ESRRB: variants seen among roughly 807,000 people sequenced by gnomAD.
ESRRB encodes the protein estrogen related receptor beta.
Under a neutral mutation model 46.0 loss-of-function variants are expected in ESRRB, and 16 were observed. The ratio of observed to expected loss-of-function variants is 0.35; its 90% CI spans 0.24 to 0.53. ESRRB has a LOEUF of 0.53. Among genes scored for constraint, ESRRB ranks in the 20% least tolerant of loss-of-function variants. The pLI, the probability that ESRRB is intolerant of heterozygous loss-of-function variation, is 0.93. For missense variants in ESRRB, 488 were observed against 607.4 expected (o/e 0.80, Z 2.07); for synonymous variants, 246 against 259.6 (o/e 0.95, Z 0.50).
In ESRRB at chr14:76,385,317, C is replaced by CT. The variant is rs1483997647; in HGVS notation, c.50+8867dup. Among the ~76,000 whole-genome samples, 7 of 152,038 alleles carry CT rather than the reference C, an allele frequency of 4.6e-5. No individual in the cohort carries two copies. In the East Asian group the frequency reaches 1.4e-3, roughly 29 times the overall value. ...CCACCCCCAAGGAATGCAAGCAAGA[C>CT]TCTGGCTGTGCTGCTTAGGTTGAGA... On this transcript the variant is annotated intron_variant, in intron 1 of 6. Coordinates refer to ENST00000644823, the MANE Select transcript of ESRRB (RefSeq NM_001379180.1).
At chr14:76,410,486 T>G (rs1886387925) in intron 1 of ESRRB, among the ~76,000 whole-genome samples, 1 of 152,146 alleles carries the variant, frequency 6.6e-6, no homozygotes, top group African/African-American at 2.4e-5. Flanking sequence ...TTTCAAAAAT[T>G]GTCCATGTGC....
intron 1 of ESRRB, among the ~76,000 whole-genome samples, chr14:76,319,681 C>A (rs1011226468): frequency 2.6e-5 from 4 of 152,186 alleles, no homozygotes; most frequent in Non-Finnish European, 5.9e-5. Context: ...GAAAAGACCA[C>A]AAGATGGATA....
intron 1 of ESRRB, among the ~76,000 whole-genome samples, chr14:76,412,688 G>A (rs956095308): frequency 1.3e-5 from 2 of 152,240 alleles, no homozygotes; most frequent in Admixed American, 6.5e-5. Context: ...GCTGGATTAT[G>A]GAGTGATTAT....
At chr14:76,332,000 G>A (rs1440751212) in intron 1 of ESRRB, among the ~76,000 whole-genome samples, 1 of 151,902 alleles carries the variant, frequency 6.6e-6, no homozygotes, top group Non-Finnish European at 1.5e-5. Flanking sequence ...AAACCATGGA[G>A]CCAGCTTTCT....
chr14:76,476,747 C>A (rs940180242), intron 3 of ESRRB, among the ~76,000 whole-genome samples: 17 of 151,978 alleles, frequency 1.1e-4, no homozygotes, highest in African/African-American at 4.1e-4. Flanking sequence ...GGCGCTCCAG[C>A]TCTTTCTTTC....
In ESRRB at chr14:76,473,451, C is replaced by T. The variant is rs867392615; in HGVS notation, c.578-8565C>T. On this transcript the variant is annotated intron_variant, in intron 3 of 6. Transcript: ENST00000644823. ...GATGGGAGGGCAGAGGCCTTTCCCTCGCCTGCCCTGTCTGAACCTTTCCTG... is the reference window on the plus strand; with the variant it reads ...GATGGGAGGGCAGAGGCCTTTCCCTTGCCTGCCCTGTCTGAACCTTTCCTG... 3.3e-5 allele frequency among the ~76,000 whole-genome samples: 5 copies of T among 152,206 alleles called. No homozygotes were observed. The South Asian group carries it at 8.3e-4, about 25-fold the overall frequency.
Position 76,400,908 on chromosome 14 carries a change from C to A in ESRRB, c.50+24457C>A, listed in dbSNP as rs118101253. Among the ~76,000 whole-genome samples, 723 of 152,294 alleles carry A rather than the reference C, an allele frequency of 4.7e-3. 2 individuals are homozygous for A. Among genetic ancestry groups the A allele is most frequent in the South Asian group, 0.014 (69 of 4,812 alleles). ...TCTAAGGTCCAGAGATATAAGATTT[C>A]TTCGCTGGTTTAAGCAGCACCGAGA... On this transcript the variant is annotated intron_variant, in intron 1 of 6. Transcript: ENST00000644823.
chr14:76,386,958 C>T (rs1220914302), intron 1 of ESRRB, among the ~76,000 whole-genome samples: 4 of 152,144 alleles, frequency 2.6e-5, no homozygotes, highest in Non-Finnish European at 5.9e-5. Context: ...CCCTGACAAA[C>T]GGGTTGGGGT....
At chr14:76,351,814 A>G (rs1363589938) in intron 1 of ESRRB, among the ~76,000 whole-genome samples, 1 of 152,018 alleles carries the variant, frequency 6.6e-6, no homozygotes, top group Non-Finnish European at 1.5e-5. Flanking sequence ...GGGACTCTCT[A>G]TAGCTGATGA....
chr14:76,417,051 C>T (rs565103826), intron 1 of ESRRB, among the ~76,000 whole-genome samples: 1 of 152,194 alleles, frequency 6.6e-6, no homozygotes, highest in South Asian at 2.1e-4. Flanking sequence ...ACAGGAGAAT[C>T]GCTTGAACCC....
At chr14:76,325,227 A>T (rs140292938) in intron 1 of ESRRB, among the ~76,000 whole-genome samples, 3,383 of 152,220 alleles carry the variant, frequency 0.022, 120 homozygotes, top group African/African-American at 0.077. Flanking sequence ...AAGTGCTGGG[A>T]TTACAGGCGT....
intron 1 of ESRRB, among the ~76,000 whole-genome samples, chr14:76,358,653 C>T (rs1397352258): frequency 6.6e-6 from 1 of 152,158 alleles, no homozygotes; most frequent in African/African-American, 2.4e-5. Context: ...ACATGGTGAT[C>T]ACCTTGCGTT....
intron 1 of ESRRB, among the ~76,000 whole-genome samples, chr14:76,345,279 C>A (rs1884236468): frequency 6.6e-6 from 1 of 152,162 alleles, no homozygotes; most frequent in African/African-American, 2.4e-5. Flanking sequence ...AGAAAATCTT[C>A]ACAATCTATT....
intron 2 of ESRRB, among the ~76,000 whole-genome samples, chr14:76,452,108 A>G (rs1847622087): frequency 6.8e-6 from 1 of 147,686 alleles, no homozygotes; most frequent in Admixed American, 6.8e-5. Context: ...CACCTGGCTA[A>G]TTTTTGTATT....
chr14:76,354,204 GC>G (rs924546257), intron 1 of ESRRB, among the ~76,000 whole-genome samples: 4 of 116,638 alleles, frequency 3.4e-5, no homozygotes, highest in Non-Finnish European at 6.8e-5. Context: ...CCCTTCCTTG[GC>G]CCCCAGGGTC....
intron 1 of ESRRB, among the ~76,000 whole-genome samples, chr14:76,311,763 G>A (rs12435953): frequency 0.045 from 6,905 of 152,208 alleles, 270 homozygotes; most frequent in South Asian, 0.13. Flanking sequence ...CAGACAATTC[G>A]AATAGTGTGC....
At chr14:76,464,160 G>A (rs2139995399) in intron 3 of ESRRB, among the ~76,000 whole-genome samples, 1 of 152,284 alleles carries the variant, frequency 6.6e-6, no homozygotes, top group East Asian at 1.9e-4. Context: ...GAAGTGGGAG[G>A]AAACAGGAAA....
intron 1 of ESRRB, among the ~76,000 whole-genome samples, chr14:76,331,468 G>A (rs1276535799): frequency 2.0e-5 from 3 of 152,156 alleles, no homozygotes; most frequent in Non-Finnish European, 2.9e-5. Flanking sequence ...TGATGTGTTC[G>A]CTCCTGCTCT....
At chr14:76,358,330 AGAAAGAAAGAAAGAAAG>A (rs1884414873) in intron 1 of ESRRB, among the ~76,000 whole-genome samples, 3 of 13,742 alleles carry the variant, frequency 2.2e-4, no homozygotes, top group African/African-American at 1.3e-3. Context: ...AAAAAAAGAA[AGAAAGAAAGAAAGAAAG>A]AAAGAAAGAA....
Sources: allele counts gnomAD v4.1 joint callset (sites outside exome capture counted in the v4.1 genomes callset), GRCh38; gene constraint gnomAD v4.1.1; transcripts MANE v1.5; gene names NCBI Gene and HGNC (gene_info 2026-07-23, HGNC 2026-07-21).